The following MTMR6 variants were observed in gnomAD, a reference collection of about 807,000 sequenced individuals.
MTMR6 encodes myotubularin related protein 6.
A neutral mutation model predicts 80.1 loss-of-function variants in MTMR6; 47 were observed. The ratio of observed to expected loss-of-function variants is 0.59; its 90% CI spans 0.46 to 0.75. The LOEUF is 0.75. Ranked by LOEUF, MTMR6 falls within the 30% of genes least tolerant of loss-of-function variation. The pLI is 0.00. For missense variants in MTMR6, 629 were observed against 730.9 expected, an observed-to-expected ratio of 0.86 and a Z score of 1.61; for synonymous variants, 254 against 253.0, an observed-to-expected ratio of 1.00 and a Z score of -0.04.
rs1483124155 is a variant in MTMR6 at position 25,253,924 on chromosome 13, C to G, written c.1186G>C (p.Val396Leu). The change falls in exon 11 of 14, where the codon GTG (valine) becomes CTG (leucine). Residue 396 changes from valine to leucine, a missense_variant. Coordinates refer to ENST00000381801, the MANE Select transcript of MTMR6 (RefSeq NM_004685.5). ...LDGDPKEVSPVFTQFLECVWH... is the reference protein window; with the variant it reads ...LDGDPKEVSPLFTQFLECVWH... ...ACACATTCCAAGAACTGAGTAAACACTGGTGAGACTTCCTTTGGGTCACCA... is the reference window on the plus strand; with the variant it reads ...ACACATTCCAAGAACTGAGTAAACAGTGGTGAGACTTCCTTTGGGTCACCA... The G allele has an allele frequency of 1.2e-6, 2 of 1,614,062 alleles. No individual in the cohort carries two copies. Among genetic ancestry groups the G allele is most frequent in the East Asian group, 4.5e-5 (2 of 44,892 alleles).
chr13:25,260,170 T>TC (rs1491309757), intron 6 of MTMR6, among the ~76,000 whole-genome samples: 1 of 148,392 alleles, frequency 6.7e-6, no homozygotes, highest in Non-Finnish European at 1.5e-5. Flanking sequence ...GCCAGATAAT[T>TC]CTTTTTTTTT....
chr13:25,287,356 C>A lies in MTMR6; in HGVS notation c.-109G>T. ...AGCGGGAACTCCCTCCACCAGCCAG[C>A]GCCGCGGGTCTGTCTGCCGGCCCCG... On this transcript the variant is annotated 5_prime_UTR_variant, in exon 1 of 14. Coordinates refer to ENST00000381801, the MANE Select transcript of MTMR6 (RefSeq NM_004685.5). The A allele has an allele frequency of 7.0e-7, 1 of 1,422,130 alleles. No individual in the cohort carries two copies. Among genetic ancestry groups the A allele is most frequent in the East Asian group, 2.5e-5 (1 of 40,120 alleles). The allele number at this position is 1,422,130 out of a possible 1,614,324, so 88.1% of individuals were successfully genotyped here.
In MTMR6 at chr13:25,257,804, C is replaced by G; in HGVS notation, c.901G>C (p.Gly301Arg). 1 of 1,613,814 alleles carries G rather than the reference C, an allele frequency of 6.2e-7. No individual in the cohort carries two copies. The highest frequency in any genetic ancestry group is 8.5e-7 in the Non-Finnish European group (1 of 1,179,828). ...CGAAGCCATCCCGAGCTCTCCAAACCGGAGTAGAAATCATTGACAGAAAGC... is the reference window on the plus strand; with the variant it reads ...CGAAGCCATCCCGAGCTCTCCAAACGGGAGTAGAAATCATTGACAGAAAGC... ...KGLSVNDFYSGLESSGWLRHI... is the reference protein window; with the variant it reads ...KGLSVNDFYSRLESSGWLRHI... The change falls in exon 8 of 14, where the codon GGT becomes CGT. Residue 301 changes from glycine (G) to arginine (R), a missense_variant. By Grantham distance (125) the Gly-to-Arg change is moderately radical. Transcript: ENST00000381801.
Position 25,249,435 on chromosome 13 carries a change from G to T in MTMR6, c.1663C>A (p.His555Asn). ...TDGILTKELLHSVHPESPNLK... is the reference protein window; with the variant it reads ...TDGILTKELLNSVHPESPNLK... ...TTAGGTGATTCAGGATGAACTGAAT[G>T]TAACAATTCCTTGGTGAGGATGCCA... The change falls in exon 14 of 14, where the codon CAT becomes AAT. Residue 555 changes from histidine to asparagine, a missense_variant. Transcript: ENST00000381801. 1 of 1,613,956 alleles carries T rather than the reference G, an allele frequency of 6.2e-7. No homozygotes were observed. Among genetic ancestry groups the T allele is most frequent in the Non-Finnish European group, 8.5e-7 (1 of 1,179,862 alleles).
rs1342438706 is a variant in MTMR6 at position 25,261,805 on chromosome 13, AT to A, written c.592-4del. ...TGACTACATCGACAAATGGCAGCCT[AT>A]TTTTTAAAGGACAGAAAAGAGATTA... On this transcript the variant is annotated splice_region_variant and splice_polypyrimidine_tract_variant and intron_variant, in intron 5 of 13. Coordinates refer to ENST00000381801, the MANE Select transcript of MTMR6 (RefSeq NM_004685.5). 1 of 1,609,412 alleles carries A rather than the reference AT, an allele frequency of 6.2e-7. No homozygotes were observed. Among genetic ancestry groups the A allele is most frequent in the Non-Finnish European group, 8.5e-7 (1 of 1,177,482 alleles).
intron 5 of MTMR6, among the ~76,000 whole-genome samples, chr13:25,264,734 A>C (rs962704330): frequency 1.4e-5 from 2 of 146,954 alleles, no homozygotes; most frequent in African/African-American, 5.1e-5. Context: ...CAGCCTGGGC[A>C]ACAAGAGAAA....
chr13:25,281,442 A>G (rs1957842774), intron 1 of MTMR6, among the ~76,000 whole-genome samples: 1 of 152,160 alleles, frequency 6.6e-6, no homozygotes, highest in Non-Finnish European at 1.5e-5. Flanking sequence ...AAAAGAAAAA[A>G]AAGAAGAAAA....
chr13:25,264,573 G>A (rs897587135), intron 5 of MTMR6, among the ~76,000 whole-genome samples: 3 of 151,718 alleles, frequency 2.0e-5, no homozygotes, highest in South Asian at 2.1e-4. Context: ...TAGCCAACAC[G>A]GTAAAACCCT....
chr13:25,270,147 T>G (rs1348984051), intron 2 of MTMR6, among the ~76,000 whole-genome samples: 4 of 152,180 alleles, frequency 2.6e-5, no homozygotes, highest in Non-Finnish European at 5.9e-5. Context: ...ATTTTTGGAT[T>G]GGGGATATTC....
rs938025289 is a variant in MTMR6, at chr13:25,250,100, C to T, written c.1606-608G>A. 3.9e-5 allele frequency among the ~76,000 whole-genome samples: 6 copies of T among 152,128 alleles called. No individual in the cohort carries two copies. In the East Asian group the frequency reaches 1.2e-3, roughly 29 times the overall value. On this transcript the variant is annotated intron_variant, in intron 13 of 13. Transcript: ENST00000381801. The stretch of plus-strand genomic sequence containing the variant: ...CTTGACCATATCCTTCTACAATTTA[C>T]TCAAGCAGTCATTACCTCTTTATCT...
Position 25,270,208 on chromosome 13 carries a change from G to T in MTMR6, c.142-2267C>A, listed in dbSNP as rs1957542427. Among the ~76,000 whole-genome samples the T allele has an allele frequency of 2.6e-5, 4 of 152,112 alleles. No individual in the cohort carries two copies. In the South Asian group the frequency reaches 8.3e-4, roughly 31 times the overall value. The stretch of plus-strand genomic sequence containing the variant: ...TAATTATAAAAACCCAAAAGTATTT[G>T]CAGGAAGAAAATGATGAAGAAACCT... On this transcript the variant is annotated intron_variant, in intron 2 of 13. Coordinates refer to ENST00000381801, the MANE Select transcript of MTMR6 (RefSeq NM_004685.5).
At chr13:25,253,372 C>T (rs1344831998) in intron 11 of MTMR6, among the ~76,000 whole-genome samples, 1 of 152,174 alleles carries the variant, frequency 6.6e-6, no homozygotes, top group Non-Finnish European at 1.5e-5. Flanking sequence ...GGAAATTAAA[C>T]AGCATAAGGA....
chr13:25,275,870 A>AGGGAGGGGAG (rs1166091960), intron 1 of MTMR6, among the ~76,000 whole-genome samples: 536 of 33,440 alleles, frequency 0.016, 15 homozygotes, highest in African/African-American at 0.064. Context: ...TCAAAAAAGA[A>AGGGAGGGGAG]GGGAGGGGAG....
intron 2 of MTMR6, among the ~76,000 whole-genome samples, chr13:25,273,379 T>C (rs1957626458): frequency 6.6e-6 from 1 of 152,162 alleles, no homozygotes; most frequent in Non-Finnish European, 1.5e-5. Context: ...CATGTATATG[T>C]ACATTGCAAC....
rs376742718 is a variant in MTMR6 at position 25,249,310 on chromosome 13, A to C, written c.1788T>G (p.Ser596Arg). 1.2e-6 allele frequency: 2 copies of C among 1,613,950 alleles called. No homozygotes were observed. Among genetic ancestry groups the C allele is most frequent in the African/African-American group, 1.3e-5 (1 of 74,912 alleles). Reference protein sequence around the residue: ...EGSSPADNRYSEYAEEFSKSE... With the variant: ...EGSSPADNRYREYAEEFSKSE... ...ATTTAGAAAACTCTTCTGCATATTC[A>C]CTATAACGATTATCTGCCGGGCTGC... Residue 596 changes from serine (S) to arginine (R), a missense_variant, in exon 14 of 14, where the codon AGT becomes AGG. Coordinates refer to ENST00000381801, the MANE Select transcript of MTMR6 (RefSeq NM_004685.5).
At chr13:25,258,477 C>T in intron 7 of MTMR6, 83 bp downstream of exon 7, 1 of 1,179,664 alleles carries the variant, frequency 8.5e-7, no homozygotes, top group South Asian at 1.8e-5. Context: ...TAAAATGTGA[C>T]CACTGGAAAA....
chr13:25,282,491 G>C (rs914830970), intron 1 of MTMR6, among the ~76,000 whole-genome samples: 1 of 152,172 alleles, frequency 6.6e-6, no homozygotes, highest in African/African-American at 2.4e-5. Flanking sequence ...GGATGGAGCA[G>C]AGAAGGAAAT....
chr13:25,268,816 G>A (rs1199455865), intron 2 of MTMR6, among the ~76,000 whole-genome samples: 3 of 152,042 alleles, frequency 2.0e-5, no homozygotes, highest in Non-Finnish European at 2.9e-5. Context: ...CCACACTCCC[G>A]GGCACAGCTG....
chr13:25,277,234 T>C (rs1017569092), intron 1 of MTMR6, among the ~76,000 whole-genome samples: 1 of 152,188 alleles, frequency 6.6e-6, no homozygotes, highest in Non-Finnish European at 1.5e-5. Flanking sequence ...CAACATTCAA[T>C]CAATCACCAA....
Sources: allele counts gnomAD v4.1 joint callset (sites outside exome capture counted in the v4.1 genomes callset), GRCh38; gene constraint gnomAD v4.1.1; transcripts MANE v1.5; gene names NCBI Gene and HGNC (gene_info 2026-07-23, HGNC 2026-07-21).